NPHP1: variants seen among roughly 807,000 people sequenced by gnomAD.
NPHP1 encodes nephrocystin-1.
Under a neutral mutation model 90.4 loss-of-function variants are expected in NPHP1, and 70 were observed. The observed-to-expected ratio is 0.77, with a 90% CI of 0.64 to 0.95. NPHP1 has a LOEUF of 0.95. Ranked by LOEUF, NPHP1 falls within the 40% of genes least tolerant of loss-of-function variation. The pLI is 0.00. For missense variants in NPHP1, 764 were observed against 795.9 expected, an observed-to-expected ratio of 0.96 and a Z score of 0.48; for synonymous variants, 256 against 271.7, an observed-to-expected ratio of 0.94 and a Z score of 0.57.
At chr2:110,203,690 G>A (rs1447972735) in intron 1 of NPHP1, among the ~76,000 whole-genome samples, 1 of 151,880 alleles carries the variant, frequency 6.6e-6, no homozygotes, top group African/African-American at 2.4e-5. Flanking sequence ...AAAATACTTG[G>A]TAATAGATCA....
At chr2:110,129,306 T>C (rs746570726) in intron 17 of NPHP1, 47 bp from the exon 18 acceptor site, 1 of 1,349,794 alleles carries the variant, frequency 7.4e-7, no homozygotes, top group Admixed American at 1.7e-5. Context: ...CTTCACTCAA[T>C]GGATTTTATT....
intron 11 of NPHP1, among the ~76,000 whole-genome samples, chr2:110,156,073 C>CTTTT (rs35055335): frequency 7.0e-6 from 1 of 142,058 alleles, no homozygotes; most frequent in Admixed American, 7.0e-5. Context: ...GCAGGTCTTT[C>CTTTT]TTTTTTTTTT....
intron 8 of NPHP1, chr2:110,163,369 G>A (rs1030611293): frequency 2.5e-5 from 13 of 525,206 alleles, no homozygotes; most frequent in South Asian, 2.1e-4. Context: ...TGTGTGTTCC[G>A]GAGCAGCTGC....
chr2:110,149,900 T>C (rs953167843), intron 12 of NPHP1, among the ~76,000 whole-genome samples: 5 of 152,136 alleles, frequency 3.3e-5, no homozygotes, highest in Non-Finnish European at 7.4e-5. Flanking sequence ...GATTTCATCT[T>C]TGAAAAACAC....
At chr2:110,140,332 TA>T (rs1431473316) in intron 16 of NPHP1, among the ~76,000 whole-genome samples, 1 of 152,098 alleles carries the variant, frequency 6.6e-6, no homozygotes. Context: ...GCTTTGAAAT[TA>T]TTTCACAAAC....
intron 2 of NPHP1, among the ~76,000 whole-genome samples, chr2:110,192,945 C>G (rs1684858499): frequency 6.6e-6 from 1 of 152,038 alleles, no homozygotes; most frequent in Admixed American, 6.6e-5. Flanking sequence ...CCTTTACAGA[C>G]AAGCAGATGC....
At chr2:110,159,815 A>C (rs1231906049) in intron 11 of NPHP1, among the ~76,000 whole-genome samples, 1 of 151,268 alleles carries the variant, frequency 6.6e-6, no homozygotes, top group Non-Finnish European at 1.5e-5. Flanking sequence ...ATTATTTCCC[A>C]CTTTCTACTT....
chr2:110,202,762 T>C (rs192761867), intron 1 of NPHP1, among the ~76,000 whole-genome samples: 2 of 152,200 alleles, frequency 1.3e-5, no homozygotes, highest in Admixed American at 1.3e-4. Flanking sequence ...TATTAAAAAA[T>C]CAAGAAATGA....
At chr2:110,169,324 A>C (rs1408766264) in intron 5 of NPHP1, among the ~76,000 whole-genome samples, 1 of 152,150 alleles carries the variant, frequency 6.6e-6, no homozygotes, top group Non-Finnish European at 1.5e-5. Context: ...TCATTTCTCT[A>C]GCAGAAAACA....
chr2:110,197,570 T>A (rs554109856), intron 2 of NPHP1, among the ~76,000 whole-genome samples: 21 of 152,208 alleles, frequency 1.4e-4, no homozygotes, highest in Admixed American at 9.2e-4. Context: ...TTATCCTCCC[T>A]TACCAGGCAT....
chr2:110,173,746 T>G (rs150397777), intron 4 of NPHP1, among the ~76,000 whole-genome samples: 1 of 152,164 alleles, frequency 6.6e-6, no homozygotes, highest in South Asian at 2.1e-4. Flanking sequence ...TGTACAATGA[T>G]GAAATCACTT....
chr2:110,143,346 G>C (rs1249818357), intron 16 of NPHP1, among the ~76,000 whole-genome samples, 196 bp downstream of exon 16: 2 of 152,106 alleles, frequency 1.3e-5, no homozygotes, highest in Admixed American at 1.3e-4. Context: ...GGTTAGAAGA[G>C]CTAACTAGTA....
intron 2 of NPHP1, among the ~76,000 whole-genome samples, chr2:110,195,669 G>T (rs1209495222): frequency 6.6e-6 from 1 of 151,936 alleles, no homozygotes; most frequent in Non-Finnish European, 1.5e-5. Context: ...AGTTCATATG[G>T]AACCAAAAAA....
intron 4 of NPHP1, among the ~76,000 whole-genome samples, chr2:110,177,579 T>C (rs1432897192): frequency 1.3e-5 from 2 of 152,096 alleles, no homozygotes; most frequent in Non-Finnish European, 2.9e-5. Flanking sequence ...GTAAGTACAA[T>C]GCAAATATTC....
intron 16 of NPHP1, among the ~76,000 whole-genome samples, chr2:110,133,293 CA>C (rs1679924564): frequency 6.6e-6 from 1 of 151,988 alleles, no homozygotes; most frequent in South Asian, 2.1e-4. Flanking sequence ...TCAAGCCCCC[CA>C]AAAGTTACAA....
intron 2 of NPHP1, among the ~76,000 whole-genome samples, chr2:110,195,478 C>T (rs1377279879): frequency 2.6e-5 from 4 of 152,112 alleles, no homozygotes; most frequent in Non-Finnish European, 4.4e-5. Context: ...AGGAGAACTA[C>T]AAACCACTGC....
At chr2:110,171,269 C>T (rs1683112726) in intron 4 of NPHP1, among the ~76,000 whole-genome samples, 1 of 152,096 alleles carries the variant, frequency 6.6e-6, no homozygotes, top group Non-Finnish European at 1.5e-5. Context: ...TTTTGGGGAG[C>T]ACCTACTGTG....
At position 110,168,306 on chromosome 2, in the gene NPHP1, T is replaced by C. The variant is rs1461532895; in HGVS notation, c.624+146A>G. On this transcript the variant is annotated intron_variant, in intron 6 of 19. Transcript: ENST00000445609. Reference sequence around the variant, plus strand: ...CAGGACCATTAATACACAATGTTTTTCCCAGGTCCTGTCCCTCCAAAATTA... The same window carrying C: ...CAGGACCATTAATACACAATGTTTTCCCCAGGTCCTGTCCCTCCAAAATTA... 5 of 641,678 alleles carry C rather than the reference T, an allele frequency of 7.8e-6. No individual in the cohort carries two copies. The Admixed American group carries it at 8.2e-5, about 11-fold the overall frequency. 39.7% of individuals were successfully genotyped at this position (641,678 alleles called of 1,614,324 possible). A position where few individuals can be genotyped will look rare whatever the true frequency, so the allele number is the denominator to read the frequency against.
intron 10 of NPHP1, 43 bp downstream of exon 10, chr2:110,161,560 A>G: frequency 7.7e-7 from 1 of 1,299,760 alleles, no homozygotes; most frequent in Admixed American, 1.7e-5. Context: ...ACTATGACAA[A>G]ATCTGGAAGA....
Sources: allele counts gnomAD v4.1 joint callset (sites outside exome capture counted in the v4.1 genomes callset), GRCh38; gene constraint gnomAD v4.1.1; transcripts MANE v1.5; gene names NCBI Gene and HGNC (gene_info 2026-07-23, HGNC 2026-07-21).